The following CPQ variants were observed in gnomAD, a reference collection of about 807,000 sequenced individuals.
CPQ encodes carboxypeptidase Q, also known as Ser-Met dipeptidase.
A neutral mutation model predicts 45.7 loss-of-function variants in CPQ; 37 were observed. The ratio of observed to expected loss-of-function variants is 0.81; its 90% CI spans 0.62 to 1.07. The LOEUF (loss-of-function observed/expected upper bound fraction) is 1.07, where lower values mean the gene tolerates loss of function less well. Among genes scored for constraint, CPQ ranks in the 50% least tolerant of loss-of-function variants. CPQ has a pLI of 0.00. For missense variants in CPQ, 537 were observed against 572.9 expected (o/e 0.94, Z 0.64); for synonymous variants, 186 against 205.8 (o/e 0.90, Z 0.82).
chr8:96,720,385 T>A (rs1809746813), intron 1 of CPQ, among the ~76,000 whole-genome samples: 1 of 152,196 alleles, frequency 6.6e-6, no homozygotes, highest in Non-Finnish European at 1.5e-5. Context: ...AATCTGTTAT[T>A]TTTCTCTGAA....
chr8:96,950,820 C>T (rs1253139856), intron 4 of CPQ, among the ~76,000 whole-genome samples: 1 of 152,128 alleles, frequency 6.6e-6, no homozygotes, highest in African/African-American at 2.4e-5. Context: ...ACTCTGTGGA[C>T]AGATGTTAAC....
intron 6 of CPQ, among the ~76,000 whole-genome samples, chr8:97,059,266 T>C (rs911044469): frequency 2.0e-5 from 3 of 152,116 alleles, no homozygotes; most frequent in African/African-American, 7.2e-5. Flanking sequence ...TGTTCCTGTC[T>C]CCAGGTACGA....
At chr8:96,954,831 G>C (rs974481716) in intron 4 of CPQ, among the ~76,000 whole-genome samples, 1 of 151,980 alleles carries the variant, frequency 6.6e-6, no homozygotes, top group Non-Finnish European at 1.5e-5. Flanking sequence ...CCACCTATGA[G>C]TGAGAACATG....
intron 1 of CPQ, among the ~76,000 whole-genome samples, chr8:96,748,393 T>C (rs557032220): frequency 4.1e-4 from 62 of 152,282 alleles, no homozygotes; most frequent in South Asian, 1.4e-3. Context: ...AATCCTTTAA[T>C]TCTCAAACTA....
rs933794332 is a variant in CPQ, at chr8:97,066,141, A to G, written c.1186A>G (p.Asn396Asp). ...EEVMSLLQPL[N>D]ITQVLSHGEG... ...GGTTATGAGCCTGCTGCAGCCCCTC[A>G]ATATCACTCAGGTCCTGAGCCATGG... The change falls in exon 7 of 8, where the codon AAT becomes GAT. Residue 396 changes from asparagine (N) to aspartate (D), a missense_variant. Transcript: ENST00000220763. 14 of 1,612,052 alleles carry G rather than the reference A, an allele frequency of 8.7e-6. No individual in the cohort carries two copies. The highest frequency in any genetic ancestry group is 4.0e-5 in the African/African-American group (3 of 74,842).
intron 5 of CPQ, among the ~76,000 whole-genome samples, chr8:96,968,704 G>GA (rs1438607428): frequency 3.3e-5 from 5 of 152,196 alleles, no homozygotes; most frequent in African/African-American, 1.2e-4. Context: ...GTCCAGTGGG[G>GA]ATCTCTGATA....
At chr8:96,935,236 TG>T (rs1813029645) in intron 4 of CPQ, among the ~76,000 whole-genome samples, 1 of 152,138 alleles carries the variant, frequency 6.6e-6, no homozygotes, top group Non-Finnish European at 1.5e-5. Flanking sequence ...CTACAAATAG[TG>T]TCCAAAAGGC....
chr8:96,723,597 G>A (rs1184323418), intron 1 of CPQ, among the ~76,000 whole-genome samples: 1 of 152,038 alleles, frequency 6.6e-6, no homozygotes, highest in East Asian at 1.9e-4. Flanking sequence ...CCCTAAATGA[G>A]TACCTTTTTA....
intron 6 of CPQ, among the ~76,000 whole-genome samples, chr8:97,031,140 A>G (rs1186284659): frequency 6.6e-6 from 1 of 151,562 alleles, no homozygotes; most frequent in Non-Finnish European, 1.5e-5. Context: ...CTAAAATTCT[A>G]TACATATTGG....
chr8:96,674,335 C>T lies in CPQ; in HGVS notation c.-35+28933C>T, dbSNP rs141028176. On this transcript the variant is annotated intron_variant, in intron 1 of 7. Transcript: ENST00000220763. ...GTGGGTTTATTGAGACTGATAAATA[C>T]GCTCATTTACATCTCATTAATGTCA... is the stretch of plus-strand genomic sequence containing the variant. 5.5e-3 allele frequency among the ~76,000 whole-genome samples: 844 copies of T among 152,166 alleles called. 6 individuals carry two copies. The highest frequency in any genetic ancestry group is 0.019 in the African/African-American group (773 of 41,516).
intron 7 of CPQ, among the ~76,000 whole-genome samples, chr8:97,128,597 A>G (rs1811885969): frequency 6.6e-6 from 1 of 152,206 alleles, no homozygotes; most frequent in African/African-American, 2.4e-5. Context: ...AGGCAGGAGA[A>G]TCGCTTGAAC....
intron 6 of CPQ, among the ~76,000 whole-genome samples, chr8:97,062,887 A>G (rs543958765): frequency 6.6e-6 from 1 of 152,120 alleles, no homozygotes; most frequent in Non-Finnish European, 1.5e-5. Context: ...ATGAGCATTT[A>G]GGTTGATTCC....
At chr8:96,748,124 T>C (rs1810213485) in intron 1 of CPQ, among the ~76,000 whole-genome samples, 1 of 152,234 alleles carries the variant, frequency 6.6e-6, no homozygotes, top group African/African-American at 2.4e-5. Context: ...GCATTGTTTC[T>C]ATTTCTTTTG....
intron 1 of CPQ, among the ~76,000 whole-genome samples, chr8:96,744,661 A>G (rs1438945294): frequency 2.0e-5 from 3 of 152,188 alleles, no homozygotes; most frequent in Non-Finnish European, 4.4e-5. Flanking sequence ...TGATTTTTCT[A>G]TAAATTTGAC....
chr8:96,956,433 G>A (rs1422779435), intron 4 of CPQ, among the ~76,000 whole-genome samples: 1 of 151,982 alleles, frequency 6.6e-6, no homozygotes, highest in African/African-American at 2.4e-5. Flanking sequence ...CAGCATTTTG[G>A]CTTATTAGTG....
At chr8:97,123,627 C>T (rs1811795292) in intron 7 of CPQ, among the ~76,000 whole-genome samples, 1 of 151,324 alleles carries the variant, frequency 6.6e-6, no homozygotes, top group African/African-American at 2.4e-5. Context: ...GAATAAGGTA[C>T]AAAAAAATCA....
intron 5 of CPQ, among the ~76,000 whole-genome samples, chr8:96,999,740 T>C (rs1809239194): frequency 6.6e-6 from 1 of 152,140 alleles, no homozygotes; most frequent in South Asian, 2.1e-4. Flanking sequence ...TTATATTCTT[T>C]TGGGTGTATA....
chr8:96,950,608 AGTGTGTCT>A (rs1458253249), intron 4 of CPQ, among the ~76,000 whole-genome samples: 1 of 152,094 alleles, frequency 6.6e-6, no homozygotes, highest in Non-Finnish European at 1.5e-5. Flanking sequence ...CCACCAGGGG[AGTGTGTCT>A]GTTGCCCCTC....
chr8:97,140,269 A>G (rs1812136745), intron 7 of CPQ, among the ~76,000 whole-genome samples: 1 of 152,058 alleles, frequency 6.6e-6, no homozygotes, highest in Non-Finnish European at 1.5e-5. Flanking sequence ...AATTGTTATC[A>G]TAAAGAAAAC....
Sources: gnomAD v4.1 joint callset for allele counts (sites outside exome capture counted in the v4.1 genomes callset) on GRCh38, gnomAD v4.1.1 for gene constraint, MANE v1.5 for transcripts, NCBI Gene and HGNC (gene_info 2026-07-23, HGNC 2026-07-21) for gene names.